TRAF3: variants seen among roughly 807,000 people sequenced by gnomAD.
TRAF3 encodes TNF receptor-associated factor 3.
Under a neutral mutation model 62.3 loss-of-function variants are expected in TRAF3, and 13 were observed. The observed-to-expected ratio is 0.21, with a 90% CI of 0.14 to 0.33. The LOEUF (loss-of-function observed/expected upper bound fraction) is 0.33. TRAF3 is among the 10% of genes least tolerant of loss of function. TRAF3 has a pLI of 1.00. For synonymous variants in TRAF3, 269 were observed against 283.4 expected, an observed-to-expected ratio of 0.95 and a Z score of 0.51; for missense variants, 440 against 741.8, an observed-to-expected ratio of 0.59 and a Z score of 4.73.
At position 102,889,460 on chromosome 14, in the gene TRAF3, A is replaced by G. The variant is rs1054525725; in HGVS notation, c.652-100A>G. On this transcript the variant is annotated intron_variant, in intron 7 of 11. Coordinates refer to ENST00000392745, the MANE Select transcript of TRAF3 (RefSeq NM_145725.3). ...ATACACACCTGTAGCGATAAACACCATTCTTAATAGTACAGCTCAGATGCT... is the reference window on the plus strand; with the variant it reads ...ATACACACCTGTAGCGATAAACACCGTTCTTAATAGTACAGCTCAGATGCT... 4.9e-6 allele frequency: 6 copies of G among 1,229,926 alleles called. No individual in the cohort carries two copies. The Admixed American group carries it at 1.0e-4, about 21-fold the overall frequency. 76.2% of individuals were successfully genotyped at this position (1,229,926 alleles called of 1,614,324 possible).
At position 102,903,187 on chromosome 14, in the gene TRAF3, A is replaced by T. The variant is rs765241834; in HGVS notation, c.961-68A>T. On this transcript the variant is annotated intron_variant, in intron 10 of 11. Coordinates refer to ENST00000392745, the MANE Select transcript of TRAF3 (RefSeq NM_145725.3). This position sits in a 1 kb window ranked among gnomAD's most constrained non-coding sequence, Gnocchi z 6.4. ...TCTGCTCCTAGCCTGTCTGTATTTGATGGAAGGTGGTGCAGCATTTTCCGA... is the reference window on the plus strand; with the variant it reads ...TCTGCTCCTAGCCTGTCTGTATTTGTTGGAAGGTGGTGCAGCATTTTCCGA... The T allele has an allele frequency of 6.2e-7, 1 of 1,607,156 alleles. No homozygotes were observed. Among genetic ancestry groups the T allele is most frequent in the Non-Finnish European group, 8.5e-7 (1 of 1,174,044 alleles).
At chr14:102,825,575 C>G (rs183344017) in intron 1 of TRAF3, among the ~76,000 whole-genome samples, 15 of 152,174 alleles carry the variant, frequency 9.9e-5, no homozygotes, top group Admixed American at 3.9e-4. Context: ...TCCCACTGCT[C>G]GAGATCCCCC....
chr14:102,795,846 G>T (rs1321066383), intron 1 of TRAF3, among the ~76,000 whole-genome samples: 2 of 152,148 alleles, frequency 1.3e-5, no homozygotes, highest in African/African-American at 4.8e-5. Flanking sequence ...GCCTTGCTGG[G>T]TTTAGATCAT....
rs1890246717 is a variant in TRAF3, at chr14:102,900,616, AC to A, written c.961-2638del. 2.0e-5 allele frequency among the ~76,000 whole-genome samples: 3 copies of A among 152,228 alleles called. No homozygotes were observed. In the South Asian group the frequency reaches 6.2e-4, roughly 31 times the overall value. ...GTCCACAGGGCACACGTAGAGGAGC[AC>A]GCACTGGGACAGAAGGCAGGGACGT... On this transcript the variant is annotated intron_variant, in intron 10 of 11. Transcript: ENST00000392745.
At chr14:102,889,690 TTATTA>T (rs2139935922) in intron 8 of TRAF3, 56 bp downstream of exon 8, 7 of 1,578,330 alleles carry the variant, frequency 4.4e-6, no homozygotes, top group Non-Finnish European at 6.1e-6. Flanking sequence ...TGAGAGAAAG[TTATTA>T]TATTAACATT....
At chr14:102,788,207 C>A (rs531316607) in intron 1 of TRAF3, among the ~76,000 whole-genome samples, 47 of 152,176 alleles carry the variant, frequency 3.1e-4, no homozygotes, top group African/African-American at 1.1e-3. Context: ...GTGTGCCTGG[C>A]ATATGGTAGG....
chr14:102,876,688 A>G (rs1190979191), intron 6 of TRAF3, 163 bp downstream of exon 6: 7 of 947,254 alleles, frequency 7.4e-6, no homozygotes, highest in South Asian at 4.3e-5. Context: ...ATTCCGTTCC[A>G]CAGGCCTTCC....
intron 1 of TRAF3, among the ~76,000 whole-genome samples, chr14:102,797,739 CTTT>C (rs35788620): frequency 3.5e-5 from 5 of 142,248 alleles, no homozygotes; most frequent in African/African-American, 2.6e-5. Context: ...CTTTTTCTTT[CTTT>C]TTTTTTTTTT....
At chr14:102,863,916 C>G (rs1887822902) in intron 2 of TRAF3, among the ~76,000 whole-genome samples, 2 of 152,090 alleles carry the variant, frequency 1.3e-5, no homozygotes, top group Non-Finnish European at 2.9e-5. Flanking sequence ...CCGATGAGGC[C>G]CATTCTGCTC....
At chr14:102,886,311 A>G (rs772193907) in intron 7 of TRAF3, 42 bp downstream of exon 7, 1 of 1,550,618 alleles carries the variant, frequency 6.4e-7, no homozygotes, top group East Asian at 2.3e-5. Context: ...TGGAGTCCTC[A>G]GGGCTGCGTG....
intron 2 of TRAF3, among the ~76,000 whole-genome samples, chr14:102,838,493 G>T (rs1253400131): frequency 1.3e-5 from 2 of 152,228 alleles, no homozygotes; most frequent in Non-Finnish European, 2.9e-5. Flanking sequence ...CTGCCGTCCT[G>T]CTAGGCATTG....
chr14:102,831,135 T>C (rs867190829), intron 2 of TRAF3, among the ~76,000 whole-genome samples: 2 of 152,208 alleles, frequency 1.3e-5, no homozygotes, highest in African/African-American at 4.8e-5. Context: ...CATGGGACTT[T>C]GACAGAGAGC....
chr14:102,854,297 A>G (rs190675878), intron 2 of TRAF3, among the ~76,000 whole-genome samples: 138 of 152,306 alleles, frequency 9.1e-4, no homozygotes, highest in South Asian at 4.4e-3. Context: ...TGGTATATAC[A>G]TAGAGATGGA....
chr14:102,888,822 C>T (rs1889551097), intron 7 of TRAF3, among the ~76,000 whole-genome samples: 2 of 152,188 alleles, frequency 1.3e-5, no homozygotes, highest in African/African-American at 4.8e-5. Context: ...CTTTCCATTC[C>T]CTTTTCTCTT....
chr14:102,778,243 G>A (rs1329136623), intron 1 of TRAF3, among the ~76,000 whole-genome samples: 5 of 151,750 alleles, frequency 3.3e-5, no homozygotes, highest in African/African-American at 7.2e-5. Flanking sequence ...GCCGCCGAGG[G>A]CCGGCGACTC....
intron 1 of TRAF3, among the ~76,000 whole-genome samples, chr14:102,825,481 C>G (rs1345680653): frequency 1.3e-5 from 2 of 152,242 alleles, no homozygotes; most frequent in African/African-American, 4.8e-5. Context: ...AGTGGACACT[C>G]CCTTCAGCCC....
chr14:102,781,939 G>A (rs970317813), intron 1 of TRAF3, among the ~76,000 whole-genome samples: 13 of 151,944 alleles, frequency 8.6e-5, no homozygotes, highest in Non-Finnish European at 1.8e-4. Context: ...GACCACAGGT[G>A]TGTGCCAACA....
intron 11 of TRAF3, among the ~76,000 whole-genome samples, chr14:102,904,703 G>A (rs1251305870): frequency 3.3e-5 from 5 of 151,766 alleles, no homozygotes; most frequent in African/African-American, 1.2e-4. Flanking sequence ...CCAGCTACTC[G>A]GGAGGCTGAG....
intron 2 of TRAF3, among the ~76,000 whole-genome samples, chr14:102,844,584 T>G (rs990325396): frequency 6.6e-6 from 1 of 152,118 alleles, no homozygotes; most frequent in African/African-American, 2.4e-5. Context: ...CTGGAAGCTG[T>G]GGACTGAGCT....
Sources: allele counts gnomAD v4.1 joint callset (sites outside exome capture counted in the v4.1 genomes callset), GRCh38; gene constraint gnomAD v4.1.1; non-coding constraint Gnocchi (gnomAD v3.1); transcripts MANE v1.5; gene names NCBI Gene and HGNC (gene_info 2026-07-23, HGNC 2026-07-21).